The following NINJ1 variants were observed in gnomAD, a reference collection of about 807,000 sequenced individuals.
NINJ1 encodes ninjurin 1.
In NINJ1, 6 loss-of-function variants were observed where a neutral mutation model predicts 12.7. That is an observed-to-expected ratio of 0.47 (90% confidence interval 0.26 to 0.93). The LOEUF (loss-of-function observed/expected upper bound fraction) is 0.93. Among genes scored for constraint, NINJ1 ranks in the 40% least tolerant of loss-of-function variants. NINJ1 has a pLI of 0.15. For synonymous variants in NINJ1, 100 were observed against 96.0 expected (o/e 1.04, Z -0.25); for missense variants, 170 against 213.0 (o/e 0.80, Z 1.26).
rs1399140329 is a variant in NINJ1, at chr9:93,126,285, G to A, written c.304+125C>T. On this transcript the variant is annotated intron_variant, in intron 2 of 3. Coordinates refer to ENST00000375446, the MANE Select transcript of NINJ1 (RefSeq NM_004148.4). ...CCTGGACTGCATGTCTGGGTGATGA[G>A]GGCCAGGAACTCGGCAGCTCCTTGA... 7 of 729,796 alleles carry A rather than the reference G, an allele frequency of 9.6e-6. No homozygotes were observed. In the African/African-American group the frequency reaches 1.2e-4, roughly 13 times the overall value. The allele number at this position is 729,796 out of a possible 1,614,324, so 45.2% of individuals were successfully genotyped here.
At position 93,125,040 on chromosome 9, in the gene NINJ1, C is replaced by T. The variant is rs1186517216; in HGVS notation, c.327G>A (p.Pro109=). The stretch of plus-strand genomic sequence containing the variant: ...GGAAGTCCAGCTTGGCGTGCTTGGC[C>T]GGGTTGTTAAGGTCGTACTTGACTG... ...IFLVKYDLNN[P]AKHAKLDFLN... is the part of the protein sequence containing the mutation. The change falls in exon 3 of 4, where the codon CCG becomes CCA. Residue 109 remains proline (P), a synonymous_variant. Transcript: ENST00000375446. The T allele has an allele frequency of 6.8e-6, 11 of 1,613,116 alleles. No individual in the cohort carries two copies. Among genetic ancestry groups the T allele is most frequent in the East Asian group, 2.2e-5 (1 of 44,864 alleles).
At chr9:93,125,832 C>T (rs1376184506) in intron 2 of NINJ1, 1 of 153,600 alleles carries the variant, frequency 6.5e-6, no homozygotes, top group Non-Finnish European at 1.5e-5. Flanking sequence ...AGAAGGCTCG[C>T]TTGAGCCTGG....
intron 1 of NINJ1, among the ~76,000 whole-genome samples, chr9:93,127,602 A>G (rs1452424657): frequency 6.6e-6 from 1 of 152,172 alleles, no homozygotes; most frequent in Non-Finnish European, 1.5e-5. Flanking sequence ...CTTTCTCTGG[A>G]GCAAGAGTCT....
At position 93,126,554 on chromosome 9, in the gene NINJ1, T is replaced by C. The variant is rs750743421; in HGVS notation, c.160A>G (p.Ile54Val). ...GACGCGTTGGCCATCAGCAGCGCGA[T>C]GTCCAGCATGCTCTCGGCTGCGCTC... Reference protein sequence around the residue: ...KKSAAESMLDIALLMANASQL... With the variant: ...KKSAAESMLDVALLMANASQL... The change falls in exon 2 of 4, where the codon ATC (isoleucine) becomes GTC (valine). Residue 54 changes from isoleucine (I) to valine (V), a missense_variant. By Grantham distance (29) the Ile-to-Val change is conservative. Coordinates refer to ENST00000375446, the MANE Select transcript of NINJ1 (RefSeq NM_004148.4). The C allele has an allele frequency of 3.2e-5, 51 of 1,613,992 alleles. No individual in the cohort carries two copies. The highest frequency in any genetic ancestry group is 4.0e-5 in the African/African-American group (3 of 74,924).
rs549538823 is a variant in NINJ1 at position 93,131,317 on chromosome 9, C to T, written c.75+2826G>A. On this transcript the variant is annotated intron_variant, in intron 1 of 3. Coordinates refer to ENST00000375446, the MANE Select transcript of NINJ1 (RefSeq NM_004148.4). The stretch of plus-strand genomic sequence containing the variant: ...CTTCCCGCGGACTCAGCACTGGCCA[C>T]GAGTGGCCCTGAGACCATGTTAGGG... 1.3e-4 allele frequency among the ~76,000 whole-genome samples: 20 copies of T among 152,368 alleles called. No individual in the cohort carries two copies. In the East Asian group the frequency reaches 2.9e-3, roughly 22 times the overall value.
chr9:93,124,864 G>A, intron 3 of NINJ1, 35 bp downstream of exon 3: 1 of 1,569,746 alleles, frequency 6.4e-7, no homozygotes, highest in African/African-American at 1.4e-5. Context: ...AGCAACCCCA[G>A]GACTGCAGGC....
Position 93,134,153 on chromosome 9 carries a change from G to A in NINJ1, c.65C>T (p.Pro22Leu), listed in dbSNP as rs1325051934. ...GGLPPGTPGS[P>L]DASPARWGWR... ...GGGGGAAGGTCTTACCGAGGCGTCCGGGGAGCCGGGTGTGCCCGGAGGCAG... is the reference window on the plus strand; with the variant it reads ...GGGGGAAGGTCTTACCGAGGCGTCCAGGGAGCCGGGTGTGCCCGGAGGCAG... The change falls in exon 1 of 4, where the codon CCG (proline) becomes CTG (leucine). Residue 22 changes from proline to leucine, a missense_variant. Transcript: ENST00000375446. 3 of 1,560,198 alleles carry A rather than the reference G, an allele frequency of 1.9e-6. No homozygotes were observed. The highest frequency in any genetic ancestry group is 2.6e-6 in the Non-Finnish European group (3 of 1,152,900).
intron 1 of NINJ1, among the ~76,000 whole-genome samples, chr9:93,132,215 G>T (rs1827904494): frequency 1.3e-5 from 2 of 152,232 alleles, no homozygotes; most frequent in African/African-American, 2.4e-5. Flanking sequence ...CAGGTGTGTT[G>T]GGTGGTCCTG....
intron 1 of NINJ1, among the ~76,000 whole-genome samples, chr9:93,127,118 C>T (rs1827825917): frequency 1.3e-5 from 2 of 152,168 alleles, no homozygotes; most frequent in African/African-American, 2.4e-5. Context: ...GGGCAGAGAT[C>T]GCCCCTGCCA....
At chr9:93,125,795 GGT>G (rs1215009580) in intron 2 of NINJ1, 1 of 153,424 alleles carries the variant, frequency 6.5e-6, no homozygotes, top group African/African-American at 2.4e-5. Flanking sequence ...ATATAGCTGT[GGT>G]CCAGCCTACC....
At chr9:93,126,353 C>G in intron 2 of NINJ1, 57 bp downstream of exon 2, 2 of 1,479,554 alleles carry the variant, frequency 1.4e-6, no homozygotes, top group Non-Finnish European at 1.9e-6. Flanking sequence ...CCAGGCGATG[C>G]GAGCAGATGC....
intron 1 of NINJ1, 131 bp from the exon 2 acceptor site, chr9:93,126,769 G>C: frequency 1.5e-6 from 1 of 663,988 alleles, no homozygotes; most frequent in Non-Finnish European, 2.5e-6. Context: ...TAAGTGCTCA[G>C]ACAGAAGTGC....
chr9:93,134,110 C>T, intron 1 of NINJ1, 33 bp downstream of exon 1: 1 of 1,509,278 alleles, frequency 6.6e-7, no homozygotes, highest in South Asian at 1.2e-5. Flanking sequence ...CAGGGCCTGG[C>T]AAGATCATGC....
intron 1 of NINJ1, among the ~76,000 whole-genome samples, chr9:93,132,805 G>A (rs1387406590): frequency 2.0e-5 from 3 of 152,226 alleles, no homozygotes; most frequent in East Asian, 3.8e-4. Context: ...CCTGCCGCCC[G>A]CAGAAGTGAG....
At chr9:93,126,318 G>T in intron 2 of NINJ1, 92 bp downstream of exon 2, 1 of 1,106,012 alleles carries the variant, frequency 9.0e-7, no homozygotes, top group Non-Finnish European at 1.3e-6. Context: ...TGAGAGCCAA[G>T]TGTGCAAGGT....
intron 1 of NINJ1, among the ~76,000 whole-genome samples, chr9:93,128,271 C>G (rs1827841821): frequency 1.3e-5 from 2 of 152,252 alleles, no homozygotes; most frequent in South Asian, 4.1e-4. Context: ...CTCTCCCACC[C>G]TGGGCCTGAC....
At position 93,134,168 on chromosome 9, in the gene NINJ1, C is replaced by T. The variant is rs867895503; in HGVS notation, c.50G>A (p.Gly17Asp). 9.0e-6 allele frequency: 14 copies of T among 1,558,550 alleles called. No homozygotes were observed. The highest frequency in any genetic ancestry group is 1.7e-4 in the Middle Eastern group (1 of 5,844). The part of the protein sequence containing the change: ...EYELNGGLPP[G>D]TPGSPDASPA... ...CGAGGCGTCCGGGGAGCCGGGTGTG[C>T]CCGGAGGCAGGCCGCCGTTGAGCTC... Residue 17 changes from glycine to aspartate, a missense_variant, in exon 1 of 4, where the codon GGC becomes GAC. Transcript: ENST00000375446.
chr9:93,132,685 G>T (rs1428321065), intron 1 of NINJ1, among the ~76,000 whole-genome samples: 1 of 152,222 alleles, frequency 6.6e-6, no homozygotes, highest in African/African-American at 2.4e-5. Flanking sequence ...GTGGGGCGGG[G>T]CTGTGTCTCT....
intron 2 of NINJ1, chr9:93,126,104 G>C: frequency 2.6e-6 from 1 of 389,184 alleles, no homozygotes; most frequent in Non-Finnish European, 4.7e-6. Flanking sequence ...GGCTGAGGTG[G>C]GAGGATCGCT....
Sources: gnomAD v4.1 joint callset for allele counts (sites outside exome capture counted in the v4.1 genomes callset) on GRCh38, gnomAD v4.1.1 for gene constraint, MANE v1.5 for transcripts, NCBI Gene and HGNC (gene_info 2026-07-23, HGNC 2026-07-21) for gene names.